The following KLHL14 variants were observed in gnomAD, a reference collection of about 807,000 sequenced individuals.
KLHL14 encodes the protein kelch like family member 14.
In KLHL14, 22 loss-of-function variants were observed where a neutral mutation model predicts 64.3. That is an observed-to-expected ratio of 0.34 (90% CI 0.24 to 0.49). The LOEUF (loss-of-function observed/expected upper bound fraction) is 0.49, where lower values mean the gene tolerates loss of function less well. Ranked by LOEUF, KLHL14 falls within the 20% of genes least tolerant of loss-of-function variation. KLHL14 has a pLI of 0.99. For missense variants in KLHL14, 661 were observed against 789.0 expected (o/e 0.84, Z 1.94); for synonymous variants, 322 against 333.4 (o/e 0.97, Z 0.37).
At chr18:32,700,507 T>C (rs1258927887) in intron 3 of KLHL14, among the ~76,000 whole-genome samples, 1 of 152,174 alleles carries the variant, frequency 6.6e-6, no homozygotes, top group East Asian at 1.9e-4. Context: ...AGAGACATTA[T>C]ATATATGGGT....
At chr18:32,700,515 G>C (rs560259854) in intron 3 of KLHL14, among the ~76,000 whole-genome samples, 4 of 152,112 alleles carry the variant, frequency 2.6e-5, no homozygotes, top group Admixed American at 2.6e-4. Context: ...TATATATATG[G>C]GTCATTTTTG....
chr18:32,734,778 G>A (rs2050155266), intron 3 of KLHL14, among the ~76,000 whole-genome samples: 1 of 152,140 alleles, frequency 6.6e-6, no homozygotes, highest in East Asian at 1.9e-4. Flanking sequence ...TTAATTTGCA[G>A]ATAAGATTAA....
Position 32,713,034 on chromosome 18 carries a change from C to T in KLHL14, c.1070-17482G>A, listed in dbSNP as rs536507870. ...CAAGAGCTTGCTTTTAAATCTTTCT[C>T]ACCTCCATCCACACTTAATACTTTG... On this transcript the variant is annotated intron_variant, in intron 3 of 8. Coordinates refer to ENST00000359358, the MANE Select transcript of KLHL14 (RefSeq NM_020805.3). Among the ~76,000 whole-genome samples the T allele has an allele frequency of 2.6e-5, 4 of 152,102 alleles. No individual in the cohort carries two copies. The East Asian group carries it at 5.8e-4, about 22-fold the overall frequency.
At chr18:32,694,688 C>G (rs2144485305) in intron 4 of KLHL14, among the ~76,000 whole-genome samples, 1 of 152,292 alleles carries the variant, frequency 6.6e-6, no homozygotes, top group South Asian at 2.1e-4. Flanking sequence ...GTAATTTCAG[C>G]TGGATGTTCT....
intron 3 of KLHL14, among the ~76,000 whole-genome samples, chr18:32,697,804 G>A (rs1201529990): frequency 2.0e-5 from 3 of 152,020 alleles, no homozygotes; most frequent in East Asian, 1.9e-4. Flanking sequence ...GCTAACTATT[G>A]AACTCTTCAA....
At chr18:32,723,841 A>G (rs1405871077) in intron 3 of KLHL14, among the ~76,000 whole-genome samples, 3 of 152,146 alleles carry the variant, frequency 2.0e-5, no homozygotes, top group Admixed American at 6.5e-5. Context: ...CTCTCTTACT[A>G]TTAAACAGTG....
chr18:32,770,214 C>T lies in KLHL14; in HGVS notation c.378G>A (p.Val126=), dbSNP rs749600559. The T allele has an allele frequency of 6.2e-7, 1 of 1,609,548 alleles. No individual in the cohort carries two copies. The highest frequency in any genetic ancestry group is 1.3e-5 in the African/African-American group (1 of 74,976). The change falls in exon 2 of 9, where the codon GTG becomes GTA. Residue 126 remains valine (V), a synonymous_variant. Transcript: ENST00000359358. The surrounding 1 kb of genome is among the most constrained non-coding windows in gnomAD (Gnocchi z 6.7). ...LTSPRAINNL[V]LQGCSSIGLR... is the part of the protein sequence containing the mutation. ...GCCCGATGGACGAGCAGCCCTGCAG[C>T]ACCAGGTTGTTGATGGCCCGGGGGC...
At chr18:32,761,638 T>A (rs1568085257) in intron 2 of KLHL14, among the ~76,000 whole-genome samples, 1 of 152,146 alleles carries the variant, frequency 6.6e-6, no homozygotes, top group African/African-American at 2.4e-5. Context: ...CCATGCCACT[T>A]TTCTCTTGTA....
chr18:32,692,006 G>A (rs1282752567), intron 4 of KLHL14, among the ~76,000 whole-genome samples: 1 of 152,154 alleles, frequency 6.6e-6, no homozygotes, highest in East Asian at 1.9e-4. Context: ...CCAGTTATCA[G>A]GAAGTGACAA....
At chr18:32,757,828 C>T (rs1235915131) in intron 2 of KLHL14, among the ~76,000 whole-genome samples, 2 of 152,152 alleles carry the variant, frequency 1.3e-5, no homozygotes, top group Non-Finnish European at 2.9e-5. Context: ...TTTTTCTCTG[C>T]CACACCAAAT....
intron 3 of KLHL14, among the ~76,000 whole-genome samples, chr18:32,729,665 A>AG (rs1474107362): frequency 1.3e-5 from 2 of 152,058 alleles, no homozygotes; most frequent in East Asian, 3.9e-4. Flanking sequence ...TTTCTAAATA[A>AG]GGCCACAAAA....
At chr18:32,751,134 T>G (rs117577378) in intron 2 of KLHL14, among the ~76,000 whole-genome samples, 3,006 of 152,208 alleles carry the variant, frequency 0.02, 38 homozygotes, top group Non-Finnish European at 0.026. Context: ...CTACTCCAAG[T>G]AATTGGCCTG....
intron 8 of KLHL14, among the ~76,000 whole-genome samples, chr18:32,676,185 C>T (rs1044117523): frequency 6.6e-6 from 1 of 152,118 alleles, no homozygotes; most frequent in African/African-American, 2.4e-5. Flanking sequence ...TTTAATTATG[C>T]CCTTATCTCT....
chr18:32,733,901 T>A, intron 3 of KLHL14: 3 of 468,470 alleles, frequency 6.4e-6, no homozygotes, highest in Non-Finnish European at 1.2e-5. Context: ...GGGGTGATCC[T>A]GTCCCTATTC....
At chr18:32,762,577 A>G (rs1351737984) in intron 2 of KLHL14, among the ~76,000 whole-genome samples, 2 of 151,888 alleles carry the variant, frequency 1.3e-5, no homozygotes, top group Non-Finnish European at 2.9e-5. Context: ...TTCTAATCCT[A>G]TTTGCATTAA....
intron 2 of KLHL14, among the ~76,000 whole-genome samples, chr18:32,749,781 C>T (rs189866808): frequency 1.6e-4 from 24 of 152,150 alleles, no homozygotes; most frequent in African/African-American, 5.5e-4. Flanking sequence ...GGTACAGCAG[C>T]AATGTATGGG....
At chr18:32,765,179 G>A (rs2050334842) in intron 2 of KLHL14, among the ~76,000 whole-genome samples, 1 of 152,216 alleles carries the variant, frequency 6.6e-6, no homozygotes. Context: ...ATTCAATTAA[G>A]TAATGTATGT....
chr18:32,726,653 T>G (rs1044549881), intron 3 of KLHL14, among the ~76,000 whole-genome samples: 1 of 151,696 alleles, frequency 6.6e-6, no homozygotes, highest in Non-Finnish European at 1.5e-5. Context: ...AAAAATAAAA[T>G]AAAATAAAAT....
chr18:32,750,243 G>A (rs563148899), intron 2 of KLHL14, among the ~76,000 whole-genome samples: 1 of 151,978 alleles, frequency 6.6e-6, no homozygotes, highest in East Asian at 1.9e-4. Flanking sequence ...AAATAGTTTT[G>A]GTTTTCCACA....
Sources: gnomAD v4.1 joint callset for allele counts (sites outside exome capture counted in the v4.1 genomes callset) on GRCh38, gnomAD v4.1.1 for gene constraint, Gnocchi (gnomAD v3.1) non-coding constraint, MANE v1.5 for transcripts, NCBI Gene and HGNC (gene_info 2026-07-23, HGNC 2026-07-21) for gene names.